NHS: variants seen among roughly 807,000 people sequenced by gnomAD.
NHS encodes the protein NHS actin remodeling regulator.
NHS carries 5 observed loss-of-function variants against 72.5 expected under a neutral mutation model. That is an observed-to-expected ratio of 0.07 (90% confidence interval 0.04 to 0.14). The LOEUF is 0.14. NHS is among the 10% of genes least tolerant of loss of function. NHS has a pLI of 1.00. For synonymous variants in NHS, 464 were observed against 547.7 expected, an observed-to-expected ratio of 0.85 and a Z score of 2.13; for missense variants, 1,072 against 1,355.7, an observed-to-expected ratio of 0.79 and a Z score of 3.29.
At chrX:17,430,558 A>G (rs1329413332) in intron 1 of NHS, among the ~76,000 whole-genome samples, 1 of 109,622 alleles carries the variant, frequency 9.1e-6, no homozygotes, top group Non-Finnish European at 1.9e-5. Flanking sequence ...TTTAAAGCGT[A>G]CAGTTTAGTG....
At chrX:17,609,431 G>C (rs1424584151) in intron 1 of NHS, among the ~76,000 whole-genome samples, 1 of 111,667 alleles carries the variant, frequency 9.0e-6, no homozygotes, top group Non-Finnish European at 1.9e-5. Flanking sequence ...CCAAAGAGAG[G>C]ACTCACAAGT....
Position 17,385,701 on chromosome X carries a change from G to A in NHS, c.565+9379G>A, listed in dbSNP as rs184951571. 4.8e-3 allele frequency among the ~76,000 whole-genome samples: 540 copies of A among 111,400 alleles called. 5 individuals carry two copies. Among genetic ancestry groups the A allele is most frequent in the African/African-American group, 0.017 (508 of 30,635 alleles). ...TTAACCACCTTTTACCCATATGGTA[G>A]CATTTTCTTGGTTTTAGTTATTATA... On this transcript the variant is annotated intron_variant, in intron 1 of 8. Transcript: ENST00000676302.
rs374642339 is a variant in NHS at position 17,433,391 on chromosome X, G to A, written c.565+57069G>A. Reference sequence around the variant, plus strand: ...ATGGAATATTTGACTTGAGTTCTGGGATTGGAAGCTAGTCACTGTTGCTGT... The same window carrying A: ...ATGGAATATTTGACTTGAGTTCTGGAATTGGAAGCTAGTCACTGTTGCTGT... On this transcript the variant is annotated intron_variant, in intron 1 of 8. Coordinates refer to ENST00000676302, the MANE Select transcript of NHS (RefSeq NM_001291867.2). 9.2e-4 allele frequency among the ~76,000 whole-genome samples: 101 copies of A among 109,785 alleles called. 1 individual carries two copies. The highest frequency in any genetic ancestry group is 1.9e-3 in the Admixed American group (19 of 10,254).
rs560773415 is a variant in NHS at position 17,510,367 on chromosome X, A to G, written c.565+134045A>G. ...GAGTATTGGTCATGGGCCTTTACAC[A>G]GCCTCCCAGTCTAGGTCTCATTCCA... On this transcript the variant is annotated intron_variant, in intron 1 of 8. Transcript: ENST00000676302. 5.4e-5 allele frequency among the ~76,000 whole-genome samples: 6 copies of G among 112,108 alleles called. No individual in the cohort carries two copies. In the South Asian group the frequency reaches 1.8e-3, roughly 34 times the overall value.
chrX:17,422,454 A>C (rs1224850131), intron 1 of NHS, among the ~76,000 whole-genome samples: 1 of 110,951 alleles, frequency 9.0e-6, no homozygotes, highest in Non-Finnish European at 1.9e-5. Flanking sequence ...TATGCTTAGC[A>C]TGTGTCTCTT....
At chrX:17,600,213 A>T (rs768145543) in intron 1 of NHS, among the ~76,000 whole-genome samples, 1 of 111,181 alleles carries the variant, frequency 9.0e-6, no homozygotes, top group South Asian at 3.9e-4. Flanking sequence ...GACCTTGAAT[A>T]AAAAAGTTTG....
chrX:17,500,607 G>A (rs1396610454), intron 1 of NHS, among the ~76,000 whole-genome samples: 1 of 112,045 alleles, frequency 8.9e-6, no homozygotes, highest in Admixed American at 9.5e-5. Context: ...AAATAGCTAG[G>A]TCTGTGCCTC....
intron 1 of NHS, among the ~76,000 whole-genome samples, chrX:17,523,643 G>A (rs917469143): frequency 2.7e-5 from 3 of 111,281 alleles, no homozygotes; most frequent in Non-Finnish European, 3.8e-5. Flanking sequence ...CAGATAGGGC[G>A]GCATCCAGTA....
At chrX:17,397,541 C>T (rs189320260) in intron 1 of NHS, among the ~76,000 whole-genome samples, 89 of 110,705 alleles carry the variant, frequency 8.0e-4, no homozygotes, top group Non-Finnish European at 1.3e-3. Flanking sequence ...AGGAGATAAC[C>T]GGGGTTGCTT....
At chrX:17,585,865 GTTTATTTTGCCAA>G (rs2065572911) in intron 1 of NHS, 1 of 109,474 alleles carries the variant, frequency 9.1e-6, no homozygotes, top group Admixed American at 9.8e-5. Context: ...AAAAAGAACT[GTTTATTTTGCCAA>G]TTTCATTATA....
chrX:17,669,515 T>C (rs757049268), intron 1 of NHS, among the ~76,000 whole-genome samples: 50 of 112,149 alleles, frequency 4.5e-4, no homozygotes, highest in Non-Finnish European at 6.8e-4. Flanking sequence ...ACAGCTATTA[T>C]TTTTTGACCT....
chrX:17,708,302 C>T (rs181924086), intron 3 of NHS, among the ~76,000 whole-genome samples: 1 of 111,827 alleles, frequency 8.9e-6, no homozygotes, highest in Admixed American at 9.5e-5. Context: ...ACTTACCTTT[C>T]GAGATAGATT....
At chrX:17,644,739 T>C (rs1451405623) in intron 1 of NHS, among the ~76,000 whole-genome samples, 1 of 111,245 alleles carries the variant, frequency 9.0e-6, no homozygotes, top group Admixed American at 9.6e-5. Context: ...AACATTCTTA[T>C]AAAATTAGCA....
At chrX:17,672,668 T>C (rs771403455) in intron 1 of NHS, among the ~76,000 whole-genome samples, 4 of 112,479 alleles carry the variant, frequency 3.6e-5, no homozygotes, top group East Asian at 5.6e-4. Context: ...TAGGTCGCCA[T>C]TGTCATTTCC....
At chrX:17,609,385 A>G (rs2065697419) in intron 1 of NHS, among the ~76,000 whole-genome samples, 2 of 111,671 alleles carry the variant, frequency 1.8e-5, no homozygotes, top group African/African-American at 6.5e-5. Flanking sequence ...ACCAGGACAC[A>G]AGGCATTCTA....
At chrX:17,602,704 A>C (rs1370467383) in intron 1 of NHS, among the ~76,000 whole-genome samples, 1 of 110,556 alleles carries the variant, frequency 9.0e-6, no homozygotes, top group Non-Finnish European at 1.9e-5. Context: ...TTCTCTGAGA[A>C]CTGAGAACAG....
chrX:17,519,391 G>A (rs1285428421), intron 1 of NHS, among the ~76,000 whole-genome samples: 2 of 112,332 alleles, frequency 1.8e-5, no homozygotes, highest in East Asian at 2.8e-4. Flanking sequence ...AAACCAAAAA[G>A]TAAAAAAGAA....
At chrX:17,477,013 C>G (rs759506725) in intron 1 of NHS, among the ~76,000 whole-genome samples, 1 of 112,364 alleles carries the variant, frequency 8.9e-6, no homozygotes, top group South Asian at 3.7e-4. Flanking sequence ...TTCAACCACT[C>G]CTATGTTCCT....
intron 1 of NHS, among the ~76,000 whole-genome samples, chrX:17,508,537 C>A (rs2065070096): frequency 9.0e-6 from 1 of 111,617 alleles, no homozygotes; most frequent in African/African-American, 3.3e-5. Flanking sequence ...GTGGCATGAT[C>A]TCGGCTCACT....
Sources: gnomAD v4.1 joint callset for allele counts (sites outside exome capture counted in the v4.1 genomes callset) on GRCh38, gnomAD v4.1.1 for gene constraint, MANE v1.5 for transcripts, NCBI Gene and HGNC (gene_info 2026-07-23, HGNC 2026-07-21) for gene names.